The following TYRP1 variants were observed in gnomAD, a reference collection of about 807,000 sequenced individuals.
TYRP1 encodes tyrosinase related protein 1.
A neutral mutation model predicts 42.8 loss-of-function variants in TYRP1; 49 were observed. That is an observed-to-expected ratio of 1.14 (90% CI 0.91 to 1.45). TYRP1 has a LOEUF of 1.45. TYRP1 is among the 40% of genes most tolerant of loss of function. The probability of loss-of-function intolerance (pLI) is 0.00; values close to 1 mark genes in which losing one functional copy is unlikely to be tolerated. For missense variants in TYRP1, 848 were observed against 662.0 expected, an observed-to-expected ratio of 1.28 and a Z score of -3.08; for synonymous variants, 279 against 235.4, an observed-to-expected ratio of 1.19 and a Z score of -1.69.
intron 6 of TYRP1, among the ~76,000 whole-genome samples, chr9:12,705,914 A>G (rs955836422): frequency 6.6e-6 from 1 of 152,056 alleles, no homozygotes; most frequent in Non-Finnish European, 1.5e-5. Flanking sequence ...ACATAATGAC[A>G]ACCATAAATC....
chr9:12,708,067 GC>G lies in TYRP1; in HGVS notation c.1337del (p.Pro446GlnfsTer33). 1 of 1,612,678 alleles carries G rather than the reference GC, an allele frequency of 6.2e-7. No individual in the cohort carries two copies. Among genetic ancestry groups the G allele is most frequent in the Non-Finnish European group, 8.5e-7 (1 of 1,179,290 alleles). On this transcript the variant is annotated frameshift_variant, in exon 7 of 8. Coordinates refer to ENST00000388918, the MANE Select transcript of TYRP1 (RefSeq NM_000550.3). LOFTEE classifies it high-confidence loss of function. ...GACAATACAACATGGTGCCATTCTG[GC>G]CCCCAGTCACCAACACAGAAATGTT... ...NRQYNMVPFW[P>X]PVTNTEMFVT...
chr9:12,694,261 G>T lies in TYRP1; in HGVS notation c.265G>T (p.Val89Phe), dbSNP rs1483728996. The part of the protein sequence containing the change: ...YPHDGRDDRE[V>F]WPLRFFNRTC... ...CCATGATGGCAGAGATGATCGGGAG[G>T]TCTGGCCCTTGCGCTTCTTCAATAG... The change falls in exon 2 of 8, where the codon GTC (valine) becomes TTC (phenylalanine). Residue 89 changes from valine (V) to phenylalanine (F), a missense_variant. By Grantham distance (50) the Val-to-Phe change is conservative (BLOSUM62 -1). Transcript: ENST00000388918. The T allele has an allele frequency of 2.5e-6, 4 of 1,613,730 alleles. No individual in the cohort carries two copies. The African/African-American group carries it at 5.3e-5, about 22-fold the overall frequency.
chr9:12,700,465 A>G (rs573344586), intron 4 of TYRP1: 1 of 152,154 alleles, frequency 6.6e-6, no homozygotes, highest in South Asian at 2.1e-4. Flanking sequence ...TCAACATAGA[A>G]AAACACTGTT....
intron 6 of TYRP1, among the ~76,000 whole-genome samples, chr9:12,705,675 C>A (rs919735829): frequency 6.6e-6 from 1 of 151,894 alleles, no homozygotes. Context: ...GGTGAAACCC[C>A]GTCTCTACTA....
rs139526769 is a variant in TYRP1 at position 12,707,696 on chromosome 9, A to G, written c.1262-301A>G. ...AAATACATTTAATGAATTTTATTCA[A>G]ATTGCTTTATGTAATTTTTAAAAAT... is the stretch of plus-strand genomic sequence containing the variant. On this transcript the variant is annotated intron_variant, in intron 6 of 7. Coordinates refer to ENST00000388918, the MANE Select transcript of TYRP1 (RefSeq NM_000550.3). 1,582 of 283,332 alleles carry G rather than the reference A, an allele frequency of 5.6e-3. 8 individuals are homozygous for G. Among genetic ancestry groups the G allele is most frequent in the Non-Finnish European group, 8.3e-3 (1,276 of 154,180 alleles). 17.6% of individuals were successfully genotyped at this position (283,332 alleles called of 1,614,324 possible).
rs1028519464 is a variant in TYRP1 at position 12,710,028 on chromosome 9, T to A, written c.*846T>A. ...TTCCAATCACTGTGCTTAATTTAAA[T>A]AGCATTATCTTATCATTTATCAGCC... is the stretch of plus-strand genomic sequence containing the variant. On this transcript the variant is annotated 3_prime_UTR_variant, in exon 8 of 8. Transcript: ENST00000388918. 6 of 151,870 alleles carry A rather than the reference T, an allele frequency of 4.0e-5. No homozygotes were observed. The highest frequency in any genetic ancestry group is 5.9e-5 in the Non-Finnish European group (4 of 67,840). 9.4% of individuals were successfully genotyped at this position (151,870 alleles called of 1,614,324 possible). A position where few individuals can be genotyped will look rare whatever the true frequency, so the allele number is the denominator to read the frequency against.
chr9:12,708,083 A>G lies in TYRP1; in HGVS notation c.1348A>G (p.Thr450Ala), dbSNP rs775038224. The change falls in exon 7 of 8, where the codon ACA becomes GCA. Residue 450 changes from threonine (T) to alanine (A), a missense_variant. Coordinates refer to ENST00000388918, the MANE Select transcript of TYRP1 (RefSeq NM_000550.3). Reference protein sequence around the residue: ...MVPFWPPVTNTEMFVTAPDNL... With the variant: ...MVPFWPPVTNAEMFVTAPDNL... ...GCCATTCTGGCCCCCAGTCACCAAC[A>G]CAGAAATGTTTGTTACTGCTCCAGA... The G allele has an allele frequency of 6.2e-6, 10 of 1,612,898 alleles. No individual in the cohort carries two copies. In the South Asian group the frequency reaches 9.9e-5, roughly 16 times the overall value.
chr9:12,697,697 G>A (rs1205151586), intron 3 of TYRP1, among the ~76,000 whole-genome samples: 1 of 152,126 alleles, frequency 6.6e-6, no homozygotes, highest in Admixed American at 6.5e-5. Flanking sequence ...AGAACCGAAT[G>A]AAATAAGCAT....
Position 12,694,160 on chromosome 9 carries a change from G to C in TYRP1, c.164G>C (p.Arg55Pro), listed in dbSNP as rs139670838. The C allele has an allele frequency of 3.7e-6, 6 of 1,613,868 alleles. No individual in the cohort carries two copies. The highest frequency in any genetic ancestry group is 5.1e-6 in the Non-Finnish European group (6 of 1,179,996). The change falls in exon 2 of 8, where the codon CGC becomes CCC. Residue 55 changes from arginine to proline, a missense_variant. Physicochemically the swap from Arg to Pro is moderately radical, Grantham distance 103 (BLOSUM62 -2). Transcript: ENST00000388918. ...CCTGTGTCTGGGCCTGGGACAGACC[G>C]CTGTGGCTCATCATCAGGGAGGGGC... ...LSPVSGPGTDRCGSSSGRGRC... is the reference protein window; with the variant it reads ...LSPVSGPGTDPCGSSSGRGRC...
chr9:12,694,587 T>C (rs1563851800), intron 2 of TYRP1: 1 of 632,288 alleles, frequency 1.6e-6, no homozygotes, highest in Non-Finnish European at 2.7e-6. Context: ...TTCTGATCAA[T>C]ATTTTATTCT....
At chr9:12,702,036 T>G (rs1818177147) in intron 4 of TYRP1, among the ~76,000 whole-genome samples, 2 of 152,116 alleles carry the variant, frequency 1.3e-5, no homozygotes, top group Admixed American at 6.6e-5. Flanking sequence ...GTTAGTGTGA[T>G]TCTTTTTTTT....
rs1004762399 is a variant in TYRP1 at position 12,695,785 on chromosome 9, C to G, written c.656C>G (p.Ala219Gly). ...GTGGATTTCTCTCATGAGGGACCAG[C>G]TTTTCTCACATGGCACAGGTACCAC... Reference protein sequence around the residue: ...GEVDFSHEGPAFLTWHRYHLL... With the variant: ...GEVDFSHEGPGFLTWHRYHLL... Residue 219 changes from alanine (A) to glycine (G), a missense_variant, in exon 3 of 8, where the codon GCT becomes GGT. By Grantham distance (60) the Ala-to-Gly change is moderately conservative. Coordinates refer to ENST00000388918, the MANE Select transcript of TYRP1 (RefSeq NM_000550.3). 6.2e-7 allele frequency: 1 copy of G among 1,614,128 alleles called. No homozygotes were observed. The highest frequency in any genetic ancestry group is 1.7e-5 in the Admixed American group (1 of 60,022).
At chr9:12,701,579 A>ATCTC (rs1447295167) in intron 4 of TYRP1, 1 of 151,664 alleles carries the variant, frequency 6.6e-6, no homozygotes, top group African/African-American at 2.4e-5. Flanking sequence ...CTTTGTGTAA[A>ATCTC]TCTCTCTTCT....
intron 4 of TYRP1, among the ~76,000 whole-genome samples, chr9:12,699,351 T>C (rs1818129424): frequency 1.3e-5 from 2 of 152,044 alleles, no homozygotes; most frequent in Admixed American, 6.6e-5. Flanking sequence ...TATTATTATT[T>C]GTGCCTGTGG....
chr9:12,702,165 A>G (rs1818179527), intron 4 of TYRP1, 106 bp from the exon 5 acceptor site: 1 of 1,239,086 alleles, frequency 8.1e-7, no homozygotes, highest in Admixed American at 2.4e-5. Context: ...TTTTCTACCA[A>G]GGAAAACCTA....
intron 6 of TYRP1, 104 bp from the exon 7 acceptor site, chr9:12,707,893 T>A (rs1818284494): frequency 8.7e-7 from 1 of 1,144,982 alleles, no homozygotes; most frequent in East Asian, 2.6e-5. Flanking sequence ...AAGAATAAAA[T>A]TTTTTCAGGT....
At chr9:12,705,321 C>T (rs1209518820) in intron 6 of TYRP1, among the ~76,000 whole-genome samples, 1 of 152,000 alleles carries the variant, frequency 6.6e-6, no homozygotes, top group Non-Finnish European at 1.5e-5. Flanking sequence ...AAAGTGCTTC[C>T]ACTGGTTAAA....
chr9:12,703,905 GTGTGTATATA>G, intron 5 of TYRP1, among the ~76,000 whole-genome samples: 1 of 150,362 alleles, frequency 6.7e-6, no homozygotes, highest in East Asian at 2.0e-4. Flanking sequence ...GTGTGTGTGT[GTGTGTATATA>G]TGTGTGTGTA....
chr9:12,700,411 A>G (rs1173437420), intron 4 of TYRP1: 1 of 152,098 alleles, frequency 6.6e-6, no homozygotes, highest in African/African-American at 2.4e-5. Context: ...TTAATATTTT[A>G]TTGCAGCTAA....
Sources: gnomAD v4.1 joint callset for allele counts (sites outside exome capture counted in the v4.1 genomes callset) on GRCh38, gnomAD v4.1.1 for gene constraint, MANE v1.5 for transcripts, NCBI Gene and HGNC (gene_info 2026-07-23, HGNC 2026-07-21) for gene names.